The following CELF2 variants were observed in gnomAD, a reference collection of about 807,000 sequenced individuals.
CELF2 encodes CUGBP Elav-like family member 2.
Under a neutral mutation model 62.6 loss-of-function variants are expected in CELF2, and 8 were observed. That is an observed-to-expected ratio of 0.13 (90% CI 0.07 to 0.23). The LOEUF is 0.23. Ranked by LOEUF, CELF2 falls within the 10% of genes least tolerant of loss-of-function variation. The probability of loss-of-function intolerance (pLI) is 1.00; values close to 1 mark genes in which losing one functional copy is unlikely to be tolerated. For missense variants in CELF2, 333 were observed against 671.0 expected, an observed-to-expected ratio of 0.50 and a Z score of 5.56; for synonymous variants, 258 against 250.0, an observed-to-expected ratio of 1.03 and a Z score of -0.30.
chr10:10,792,306 AACTTT>A, the CELF2 span: 1 of 397,644 alleles, frequency 2.5e-6, no homozygotes, highest in African/African-American at 2.1e-5. Context: ...GGTACATTCT[AACTTT>A]ACTTAGGTCT....
At chr10:10,606,064 C>T in the CELF2 span, among the ~76,000 whole-genome samples, 6 of 152,144 alleles carry the variant, frequency 3.9e-5, no homozygotes, top group Non-Finnish European at 8.8e-5. Context: ...CTGTGTTCCT[C>T]CCCATTCCTT....
At chr10:10,899,856 A>G (rs1242144329) in intron 1 of CELF2, among the ~76,000 whole-genome samples, 1 of 152,134 alleles carries the variant, frequency 6.6e-6, no homozygotes, top group Non-Finnish European at 1.5e-5. Context: ...CACTAAAGGG[A>G]AATCTGCCCC....
chr10:11,297,325 C>G lies in CELF2; in HGVS notation c.976+8773C>G, dbSNP rs191357957. The stretch of plus-strand genomic sequence containing the variant: ...CCGGGAGCTGCAGAGTGGATTGAGA[C>G]TGACCTGCAGAGGCCAGGCGGGCTG... On this transcript the variant is annotated intron_variant, in intron 9 of 12. Transcript: ENST00000633077. This position sits in a 1 kb window ranked among gnomAD's most constrained non-coding sequence, Gnocchi z 4.4. Among the ~76,000 whole-genome samples, 1 of 152,282 alleles carries G rather than the reference C, an allele frequency of 6.6e-6. No homozygotes were observed. Among genetic ancestry groups the G allele is most frequent in the Admixed American group, 6.5e-5 (1 of 15,300 alleles).
chr10:11,286,923 AT>A (rs1435413779), intron 8 of CELF2, among the ~76,000 whole-genome samples: 2 of 152,222 alleles, frequency 1.3e-5, no homozygotes, highest in Non-Finnish European at 2.9e-5. Flanking sequence ...TTTGGACAAA[AT>A]GCAAATCCAT....
chr10:10,674,308 C>A, the CELF2 span, among the ~76,000 whole-genome samples: 1 of 152,110 alleles, frequency 6.6e-6, no homozygotes, highest in Non-Finnish European at 1.5e-5. Context: ...CCTTTGAAGT[C>A]TGTTCTTTTT....
At chr10:10,559,137 CGGGCA>C in the CELF2 span, among the ~76,000 whole-genome samples, 2 of 152,062 alleles carry the variant, frequency 1.3e-5, no homozygotes, top group South Asian at 2.1e-4. Context: ...GGGCACAGAG[CGGGCA>C]AATTTAAATA....
At chr10:10,833,759 G>C (rs1447636141) in intron 1 of CELF2, among the ~76,000 whole-genome samples, 3 of 152,132 alleles carry the variant, frequency 2.0e-5, no homozygotes, top group Non-Finnish European at 4.4e-5. Flanking sequence ...AAATCACAAT[G>C]AGATACCATC....
At chr10:10,683,384 G>T in the CELF2 span, among the ~76,000 whole-genome samples, 1 of 152,118 alleles carries the variant, frequency 6.6e-6, no homozygotes. Flanking sequence ...ATTCATTTTG[G>T]TTTTGTTGAT....
At chr10:11,056,962 G>T (rs563340899) in intron 1 of CELF2, among the ~76,000 whole-genome samples, 2 of 152,306 alleles carry the variant, frequency 1.3e-5, no homozygotes, top group South Asian at 4.1e-4. Flanking sequence ...CATGCTTCTG[G>T]GGGAGGGGTG....
At chr10:10,677,970 G>T in the CELF2 span, among the ~76,000 whole-genome samples, 1 of 152,140 alleles carries the variant, frequency 6.6e-6, no homozygotes, top group African/African-American at 2.4e-5. Context: ...ACTTTTGAAA[G>T]ACAGTCACTT....
At chr10:11,203,637 AC>A (rs2059774878) in intron 2 of CELF2, among the ~76,000 whole-genome samples, 1 of 152,070 alleles carries the variant, frequency 6.6e-6, no homozygotes, top group Non-Finnish European at 1.5e-5. Context: ...AAGAACTTAA[AC>A]CAGATGGTTA....
chr10:10,762,352 C>T, the CELF2 span, among the ~76,000 whole-genome samples: 1 of 152,044 alleles, frequency 6.6e-6, no homozygotes, highest in East Asian at 1.9e-4. Flanking sequence ...GCTGTAACAG[C>T]ATTTAATTAT....
At chr10:11,251,078 A>G (rs1019488782) in intron 4 of CELF2, among the ~76,000 whole-genome samples, 2 of 152,126 alleles carry the variant, frequency 1.3e-5, no homozygotes, top group Non-Finnish European at 2.9e-5. Context: ...CCACCAAGAA[A>G]TGTTCCCTGC....
chr10:10,616,295 G>GGGGGGGT, the CELF2 span, among the ~76,000 whole-genome samples: 1 of 143,866 alleles, frequency 7.0e-6, no homozygotes, highest in Non-Finnish European at 1.5e-5. Flanking sequence ...TTTTGTTTGG[G>GGGGGGGT]GTGTGTGTGT....
the CELF2 span, among the ~76,000 whole-genome samples, chr10:10,510,954 A>G: frequency 3.3e-5 from 5 of 152,182 alleles, no homozygotes; most frequent in Non-Finnish European, 5.9e-5. Context: ...CACTAAAGGG[A>G]AAAGGATAAA....
intron 2 of CELF2, among the ~76,000 whole-genome samples, chr10:10,940,991 TA>T (rs1592195000): frequency 6.6e-6 from 1 of 152,202 alleles, no homozygotes. Flanking sequence ...GTTAACTTCA[TA>T]ACTTATAGTC....
At chr10:10,518,967 G>A in the CELF2 span, among the ~76,000 whole-genome samples, 1 of 152,152 alleles carries the variant, frequency 6.6e-6, no homozygotes, top group Admixed American at 6.6e-5. Flanking sequence ...ATCAGGAAGG[G>A]AATGAATAAG....
the CELF2 span, among the ~76,000 whole-genome samples, chr10:10,688,975 G>A: frequency 6.6e-5 from 10 of 151,936 alleles, no homozygotes; most frequent in Admixed American, 1.3e-4. Context: ...CTGCACCCCA[G>A]GCTGGGCAAC....
intron 9 of CELF2, among the ~76,000 whole-genome samples, chr10:11,295,280 A>C (rs1382402391): frequency 6.6e-6 from 1 of 152,228 alleles, no homozygotes; most frequent in Non-Finnish European, 1.5e-5. Context: ...CACTGGAGAC[A>C]CATCAGTAGA....
Sources: allele counts gnomAD v4.1 joint callset (sites outside exome capture counted in the v4.1 genomes callset), GRCh38; gene constraint gnomAD v4.1.1; non-coding constraint Gnocchi (gnomAD v3.1); transcripts MANE v1.5; gene names NCBI Gene and HGNC (gene_info 2026-07-23, HGNC 2026-07-21).